Variants in OTULINL observed in about 807,000 individuals in gnomAD.
OTULINL encodes OTU deubiquitinase with linear linkage specificity like.
A neutral mutation model predicts 43.9 loss-of-function variants in OTULINL; 42 were observed. The observed-to-expected ratio is 0.96, with a 90% confidence interval of 0.75 to 1.24. OTULINL has a LOEUF of 1.24. OTULINL is among the 50% of genes most tolerant of loss of function. The probability of loss-of-function intolerance (pLI) is 0.00; values close to 1 mark genes in which losing one functional copy is unlikely to be tolerated. For synonymous variants in OTULINL, 172 were observed against 153.6 expected, an observed-to-expected ratio of 1.12 and a Z score of -0.88; for missense variants, 411 against 426.4, an observed-to-expected ratio of 0.96 and a Z score of 0.32.
Position 14,601,515 on chromosome 5 carries a change from T to G in OTULINL, c.348+73T>G, listed in dbSNP as rs543814330. The G allele has an allele frequency of 9.6e-5, 128 of 1,333,520 alleles. 2 individuals carry two copies. In the South Asian group the frequency reaches 1.4e-3, roughly 14 times the overall value. 82.6% of individuals were successfully genotyped at this position (1,333,520 alleles called of 1,614,324 possible). On this transcript the variant is annotated intron_variant, in intron 4 of 7. Transcript: ENST00000274217. ...AAATCAGGAAACAAACATTCCCTTC[T>G]GCTTTACTAAATCCAGATATCCATC...
At chr5:14,609,731 C>T (rs2126786913) in intron 7 of OTULINL, among the ~76,000 whole-genome samples, 1 of 151,564 alleles carries the variant, frequency 6.6e-6, no homozygotes, top group African/African-American at 2.4e-5. Flanking sequence ...TCCGGGTTCA[C>T]GCCATTCTCC....
At chr5:14,599,460 T>C (rs1395377501) in intron 1 of OTULINL, among the ~76,000 whole-genome samples, 1 of 151,544 alleles carries the variant, frequency 6.6e-6, no homozygotes, top group Non-Finnish European at 1.5e-5. Flanking sequence ...TGCTACTCCA[T>C]CCTGGGCAAC....
chr5:14,592,328 T>G (rs1759218999), intron 1 of OTULINL, among the ~76,000 whole-genome samples: 1 of 151,530 alleles, frequency 6.6e-6, no homozygotes, highest in Non-Finnish European at 1.5e-5. Context: ...AGATGCAGAG[T>G]GGAAATGATG....
At chr5:14,598,624 T>G (rs1759333229) in intron 1 of OTULINL, among the ~76,000 whole-genome samples, 1 of 152,160 alleles carries the variant, frequency 6.6e-6, no homozygotes, top group South Asian at 2.1e-4. Context: ...GGCGGGAGGA[T>G]GGCTTGAATC....
At chr5:14,599,151 T>C (rs1325176180) in intron 1 of OTULINL, among the ~76,000 whole-genome samples, 10 of 152,266 alleles carry the variant, frequency 6.6e-5, no homozygotes, top group African/African-American at 2.4e-4. Context: ...AAGCACTTGT[T>C]TTTGAAAATA....
In OTULINL at chr5:14,601,473, A is replaced by G. The variant is rs375858530; in HGVS notation, c.348+31A>G. On this transcript the variant is annotated intron_variant, in intron 4 of 7. Coordinates refer to ENST00000274217, the MANE Select transcript of OTULINL (RefSeq NM_019018.3). ...TCTGTTTTTAGAGGGTATGGGAGAA[A>G]TAGAGTTTGTCTGTCAAAATCAGGA... The G allele has an allele frequency of 2.6e-6, 4 of 1,567,196 alleles. No individual in the cohort carries two copies. The African/African-American group carries it at 5.4e-5, about 21-fold the overall frequency.
At chr5:14,605,024 G>A (rs1219200327) in intron 5 of OTULINL, among the ~76,000 whole-genome samples, 1 of 152,184 alleles carries the variant, frequency 6.6e-6, no homozygotes, top group Non-Finnish European at 1.5e-5. Context: ...GTCTCAGTGT[G>A]GGGGCTCCCA....
At chr5:14,596,195 C>G (rs1759284710) in intron 1 of OTULINL, among the ~76,000 whole-genome samples, 1 of 152,082 alleles carries the variant, frequency 6.6e-6, no homozygotes, top group African/African-American at 2.4e-5. Flanking sequence ...CCTTTTTGTT[C>G]TTTTTTTATG....
chr5:14,595,534 G>A (rs1276782398), intron 1 of OTULINL, among the ~76,000 whole-genome samples: 4 of 148,394 alleles, frequency 2.7e-5, no homozygotes, highest in Non-Finnish European at 5.9e-5. Flanking sequence ...GTATGTGTGT[G>A]TGTATTTGGT....
intron 1 of OTULINL, among the ~76,000 whole-genome samples, chr5:14,592,494 A>G (rs1006721362): frequency 6.6e-6 from 1 of 152,184 alleles, no homozygotes; most frequent in African/African-American, 2.4e-5. Flanking sequence ...AAAGTGAAGC[A>G]TTCCTGTTAG....
chr5:14,607,106 T>C (rs1759493022), intron 5 of OTULINL, among the ~76,000 whole-genome samples: 1 of 152,116 alleles, frequency 6.6e-6, no homozygotes. Flanking sequence ...GGCTCATGCC[T>C]GTAGTCCTAG....
In OTULINL at chr5:14,614,057, C is replaced by T. The variant is rs569400403; in HGVS notation, c.*3743C>T. Reference sequence around the variant, plus strand: ...CTAACCCAATATGTGAAAATATATGCAAGCATGAATAAAGGGTTGACTAAT... The same window carrying T: ...CTAACCCAATATGTGAAAATATATGTAAGCATGAATAAAGGGTTGACTAAT... On this transcript the variant is annotated 3_prime_UTR_variant, in exon 8 of 8. Transcript: ENST00000274217. Among the ~76,000 whole-genome samples the T allele has an allele frequency of 1.3e-5, 2 of 152,240 alleles. No individual in the cohort carries two copies. The highest frequency in any genetic ancestry group is 2.1e-4 in the South Asian group (1 of 4,822).
intron 1 of OTULINL, among the ~76,000 whole-genome samples, chr5:14,587,694 G>C (rs1004447005): frequency 1.3e-5 from 2 of 152,108 alleles, no homozygotes; most frequent in African/African-American, 2.4e-5. Context: ...TTTATCCATG[G>C]TATATCCCTC....
Position 14,581,949 on chromosome 5 carries a change from C to G in OTULINL, c.55C>G (p.Pro19Ala), listed in dbSNP as rs116803888. The change falls in exon 1 of 8, where the codon CCC becomes GCC. Residue 19 changes from proline to alanine, a missense_variant. Transcript: ENST00000274217. ...RARERERSGA[P>A]AAGSDQVHSW... ...AAGGGAGCGGGAGCGGTCTGGCGCTCCCGCCGCAGGTGAGCCTGGGGCCGG... is the reference window on the plus strand; with the variant it reads ...AAGGGAGCGGGAGCGGTCTGGCGCTGCCGCCGCAGGTGAGCCTGGGGCCGG... 125,494 of 1,361,902 alleles carry G rather than the reference C, an allele frequency of 0.092. 6,387 individuals are homozygous for G. Among genetic ancestry groups the G allele is most frequent in the Non-Finnish European group, 0.1 (108,947 of 1,057,576 alleles). The allele number at this position is 1,361,902 out of a possible 1,614,324, so 84.4% of individuals were successfully genotyped here. A position where few individuals can be genotyped will look rare whatever the true frequency, so the allele number is the denominator to read the frequency against.
chr5:14,602,422 G>A lies in OTULINL; in HGVS notation c.498+90G>A, dbSNP rs992354951. ...GTCTTTGGGGGCTTTGTACTCAGAT[G>A]ACCATGAGATTGAAGAGATTTTTTT... On this transcript the variant is annotated intron_variant, in intron 5 of 7. Coordinates refer to ENST00000274217, the MANE Select transcript of OTULINL (RefSeq NM_019018.3). 21 of 1,265,482 alleles carry A rather than the reference G, an allele frequency of 1.7e-5. No individual in the cohort carries two copies. The East Asian group carries it at 4.9e-4, about 30-fold the overall frequency. 78.4% of individuals were successfully genotyped at this position (1,265,482 alleles called of 1,614,324 possible).
At position 14,615,378 on chromosome 5, in the gene OTULINL, G is replaced by T. The variant is rs1269918637; in HGVS notation, c.*5064G>T. Among the ~76,000 whole-genome samples the T allele has an allele frequency of 8.5e-6, 1 of 118,312 alleles. No individual in the cohort carries two copies. The highest frequency in any genetic ancestry group is 1.7e-5 in the Non-Finnish European group (1 of 58,260). 77.6% of individuals were successfully genotyped at this position (118,312 alleles called of 152,430 possible). The stretch of plus-strand genomic sequence containing the variant: ...GCATGTACCTGGACTTCCTTTGGGT[G>T]CCGGCTTTTCTGCTGGACTAAGATT... On this transcript the variant is annotated 3_prime_UTR_variant, in exon 8 of 8. Coordinates refer to ENST00000274217, the MANE Select transcript of OTULINL (RefSeq NM_019018.3).
At chr5:14,593,369 C>G (rs1232861864) in intron 1 of OTULINL, among the ~76,000 whole-genome samples, 1 of 152,170 alleles carries the variant, frequency 6.6e-6, no homozygotes. Flanking sequence ...GCTATCACCA[C>G]TTTTTGGCCA....
rs1388435872 is a variant in OTULINL at position 14,601,428 on chromosome 5, A to C, written c.334A>C (p.Lys112Gln). Residue 112 changes from lysine to glutamine, a missense_variant, in exon 4 of 8, where the codon AAG becomes CAG. Transcript: ENST00000274217. The part of the protein sequence containing the change: ...REWKGETPRN[K>Q]LMRKAYEELF... ...ATGGAAAGGAGAGACACCCCGTAAC[A>C]AGCTGATGAGGAAGGTGTGTCTGTT... The C allele has an allele frequency of 6.2e-7, 1 of 1,613,964 alleles. No homozygotes were observed. The highest frequency in any genetic ancestry group is 8.5e-7 in the Non-Finnish European group (1 of 1,179,856).
At chr5:14,588,443 C>T (rs1309082101) in intron 1 of OTULINL, among the ~76,000 whole-genome samples, 1 of 152,136 alleles carries the variant, frequency 6.6e-6, no homozygotes, top group Non-Finnish European at 1.5e-5. Flanking sequence ...TTCACATTCT[C>T]ACTTCCTGCT....
Sources: allele counts gnomAD v4.1 joint callset (sites outside exome capture counted in the v4.1 genomes callset), GRCh38; gene constraint gnomAD v4.1.1; transcripts MANE v1.5; gene names NCBI Gene and HGNC (gene_info 2026-07-23, HGNC 2026-07-21).